Variants in GCSAML observed in about 807,000 individuals in gnomAD.
GCSAML encodes germinal center associated signaling and motility like, also known as germinal center-associated signaling and motility-like protein.
Under a neutral mutation model 13.0 loss-of-function variants are expected in GCSAML, and 9 were observed. That is an observed-to-expected ratio of 0.69 (90% confidence interval 0.42 to 1.21). The LOEUF (loss-of-function observed/expected upper bound fraction) is 1.21. Among genes scored for constraint, GCSAML ranks in the 50% most tolerant of loss-of-function variants. The probability of loss-of-function intolerance (pLI) is 0.00; values close to 1 mark genes in which losing one functional copy is unlikely to be tolerated. For synonymous variants in GCSAML, 37 were observed against 52.9 expected (o/e 0.70, Z 1.31); for missense variants, 143 against 153.4 (o/e 0.93, Z 0.36).
chr1:247,529,185 T>C lies in GCSAML; in HGVS notation c.-148+2131T>C, dbSNP rs189057649. On this transcript the variant is annotated intron_variant, in intron 2 of 5. Coordinates refer to the GCSAML transcript ENST00000366489. ...TAGTCTTTATAGGGACAGAATAATA[T>C]TGTGGGGACAGTTTTGTCTTCCATG... 30 of 152,316 alleles carry C rather than the reference T, an allele frequency of 2.0e-4. 1 individual carries two copies. The Middle Eastern group carries it at 0.027, about 138-fold the overall frequency. The allele number at this position is 152,316 out of a possible 1,614,324, so 9.4% of individuals were successfully genotyped here.
At chr1:247,544,889 C>CT (rs553160739), upstream of GCSAML, among the ~76,000 whole-genome samples, 147 of 152,152 alleles carry the variant, frequency 9.7e-4, no homozygotes, top group African/African-American at 3.3e-3. Context: ...CAAAAAAGAA[C>CT]TTTTTTTAGT....
intron 1 of GCSAML, among the ~76,000 whole-genome samples, chr1:247,516,484 C>T (rs1200089202): frequency 6.6e-6 from 1 of 151,620 alleles, no homozygotes; most frequent in African/African-American, 2.4e-5. Context: ...GCAGATACAA[C>T]ATGCTCATAA....
chr1:247,546,525 A>AT (rs1227821948), upstream of GCSAML, among the ~76,000 whole-genome samples: 12 of 151,584 alleles, frequency 7.9e-5, no homozygotes, highest in African/African-American at 1.9e-4. Context: ...CGCCTGGCTC[A>AT]TTTTTTGTAT....
intron 3 of GCSAML, among the ~76,000 whole-genome samples, chr1:247,563,983 A>G (rs568793419): frequency 2.0e-5 from 3 of 151,854 alleles, no homozygotes; most frequent in African/African-American, 7.3e-5. Flanking sequence ...CCCAGGCTGG[A>G]GTGCAGTGTC....
chr1:247,574,450 T>A lies in GCSAML; in HGVS notation c.*68T>A. 1.3e-6 allele frequency: 2 copies of A among 1,558,466 alleles called. No individual in the cohort carries two copies. Among genetic ancestry groups the A allele is most frequent in the Non-Finnish European group, 1.8e-6 (2 of 1,141,956 alleles). On this transcript the variant is annotated 3_prime_UTR_variant, in exon 5 of 5. Transcript: ENST00000366488. ...GCAGAATAGCAGACTCTGGCGAAGT[T>A]GTTCACCCTGAGCAGTGCATGAAAC...
upstream of GCSAML, chr1:247,548,976 ACACG>A: frequency 7.9e-7 from 1 of 1,265,092 alleles, no homozygotes; most frequent in African/African-American, 1.5e-5. The surrounding 1 kb of genome is among the most constrained non-coding windows in gnomAD (Gnocchi z 5.3). Context: ...GCAGGCACAC[ACACG>A]CACACTCACA....
chr1:247,526,760 A>T lies in GCSAML; in HGVS notation c.-262-180A>T, dbSNP rs1016172769. 1 of 360,060 alleles carries T rather than the reference A, an allele frequency of 2.8e-6. No homozygotes were observed. The highest frequency in any genetic ancestry group is 5.4e-6 in the Non-Finnish European group (1 of 185,114). 22.3% of individuals were successfully genotyped at this position (360,060 alleles called of 1,614,324 possible). A position where few individuals can be genotyped will look rare whatever the true frequency, so the allele number is the denominator to read the frequency against. ...AGCCTATGGTTGCTGCAAGAGGAAT[A>T]AAAGAAAAGATGGAGCCTAGAAAAT... On this transcript the variant is annotated intron_variant, in intron 1 of 5. Coordinates refer to the GCSAML transcript ENST00000366489. The surrounding 1 kb of genome is among the most constrained non-coding windows in gnomAD (Gnocchi z 4.8).
chr1:247,544,617 G>C (rs753348717), upstream of GCSAML, among the ~76,000 whole-genome samples: 1 of 152,160 alleles, frequency 6.6e-6, no homozygotes, highest in Non-Finnish European at 1.5e-5. Context: ...TGGATCGCTT[G>C]AGCCCAGGAG....
chr1:247,533,375 C>G (rs12567576), intron 2 of GCSAML: 28,588 of 152,134 alleles, frequency 0.19, 2,815 homozygotes, highest in South Asian at 0.31. Context: ...TAGAATCCCT[C>G]TTCCCCAAGG....
chr1:247,551,054 A>T lies in GCSAML; in HGVS notation c.29+1834A>T, dbSNP rs376963607. Among the ~76,000 whole-genome samples, 4 of 152,358 alleles carry T rather than the reference A, an allele frequency of 2.6e-5. No individual in the cohort carries two copies. The South Asian group carries it at 8.3e-4, about 32-fold the overall frequency. On this transcript the variant is annotated intron_variant, in intron 1 of 4. Coordinates refer to ENST00000366488, the MANE Select transcript of GCSAML (RefSeq NM_145278.5). The stretch of plus-strand genomic sequence containing the variant: ...TTTGCTATAAAATTATGAATCTTAC[A>T]TGTAATTTATGATGTCAAGTCATCC...
intron 2 of GCSAML, among the ~76,000 whole-genome samples, chr1:247,543,923 G>A (rs551307616): frequency 2.0e-5 from 3 of 152,202 alleles, no homozygotes; most frequent in African/African-American, 7.2e-5. Context: ...TGGAGTAGCT[G>A]GGACTGACTA....
chr1:247,544,847 T>A (rs1173266213), upstream of GCSAML, among the ~76,000 whole-genome samples: 1 of 152,150 alleles, frequency 6.6e-6, no homozygotes, highest in Non-Finnish European at 1.5e-5. Flanking sequence ...GAGCAGGACC[T>A]GTCTTAAAAC....
At chr1:247,509,346 C>T (rs1053556457) in intron 1 of GCSAML, among the ~76,000 whole-genome samples, 41 of 151,990 alleles carry the variant, frequency 2.7e-4, no homozygotes, top group African/African-American at 9.4e-4. Context: ...TGAGTTTTGC[C>T]GATTGATTTT....
chr1:247,575,755 C>T lies in GCSAML; in HGVS notation c.*1373C>T, dbSNP rs1426888738. Reference sequence around the variant, plus strand: ...ACTTGTGCTTATATTTTGTTTGCAACACACTAGTTAATTTAACCTGTGACT... The same window carrying T: ...ACTTGTGCTTATATTTTGTTTGCAATACACTAGTTAATTTAACCTGTGACT... On this transcript the variant is annotated 3_prime_UTR_variant, in exon 5 of 5. Transcript: ENST00000366488. 1.3e-5 allele frequency: 2 copies of T among 152,200 alleles called. No homozygotes were observed. The highest frequency in any genetic ancestry group is 2.4e-5 in the African/African-American group (1 of 41,444). 9.4% of individuals were successfully genotyped at this position (152,200 alleles called of 1,614,324 possible).
upstream of GCSAML, chr1:247,549,005 TC>T: frequency 6.6e-7 from 1 of 1,515,834 alleles, no homozygotes; most frequent in South Asian, 1.2e-5. Context: ...CCTTTCTGCC[TC>T]CCCTTTCGAG....
Position 247,574,312 on chromosome 1 carries a change from T to C in GCSAML, c.338T>C (p.Leu113Pro), listed in dbSNP as rs1238458124. 9 of 1,613,858 alleles carry C rather than the reference T, an allele frequency of 5.6e-6. No homozygotes were observed. Among genetic ancestry groups the C allele is most frequent in the Non-Finnish European group, 6.8e-6 (8 of 1,179,876 alleles). The change falls in exon 5 of 5, where the codon CTT (leucine) becomes CCT (proline). Residue 113 changes from leucine to proline, a missense_variant. By Grantham distance (98) the Leu-to-Pro change is moderately conservative (BLOSUM62 -3). Transcript: ENST00000366488. ...RERSETEYALLRTSVSRPCSC... is the reference protein window; with the variant it reads ...RERSETEYALPRTSVSRPCSC... Reference sequence around the variant, plus strand: ...AGGTCAGAGACAGAATATGCCCTTCTTAGGACTTCTGTTAGTAGGCCTTGT... The same window carrying C: ...AGGTCAGAGACAGAATATGCCCTTCCTAGGACTTCTGTTAGTAGGCCTTGT...
chr1:247,561,622 T>A (rs1418332828), intron 2 of GCSAML, among the ~76,000 whole-genome samples: 1 of 152,172 alleles, frequency 6.6e-6, no homozygotes, highest in East Asian at 1.9e-4. Context: ...TTTAGGCCAG[T>A]CCATTTTCCT....
upstream of GCSAML, among the ~76,000 whole-genome samples, chr1:247,546,480 TC>T (rs1667579028): frequency 6.6e-6 from 1 of 152,080 alleles, no homozygotes. Context: ...TGCCTCAGCC[TC>T]CCGAGTAGCT....
chr1:247,538,550 A>T (rs1667301417), intron 2 of GCSAML: 1 of 333,810 alleles, frequency 3.0e-6, no homozygotes, highest in African/African-American at 2.2e-5. Flanking sequence ...GATAATTATG[A>T]GTAAATGAGT....
Sources: allele counts gnomAD v4.1 joint callset (sites outside exome capture counted in the v4.1 genomes callset), GRCh38; gene constraint gnomAD v4.1.1; non-coding constraint Gnocchi (gnomAD v3.1); transcripts MANE v1.5; gene names NCBI Gene and HGNC (gene_info 2026-07-23, HGNC 2026-07-21).